Variants in PDE4D observed in about 807,000 individuals in gnomAD.
PDE4D encodes 3',5'-cyclic-AMP phosphodiesterase 4D.
PDE4D carries 24 observed loss-of-function variants against 87.4 expected under a neutral mutation model. The observed-to-expected ratio is 0.27, with a 90% CI of 0.20 to 0.39. The LOEUF is 0.39. PDE4D is among the 10% of genes least tolerant of loss of function. PDE4D has a pLI of 1.00. For synonymous variants in PDE4D, 384 were observed against 383.2 expected (o/e 1.00, Z -0.02); for missense variants, 714 against 1,041.0 (o/e 0.69, Z 4.32).
intron 1 of PDE4D, among the ~76,000 whole-genome samples, chr5:60,437,718 T>C (rs1019548698): frequency 7.9e-5 from 12 of 152,176 alleles, no homozygotes; most frequent in African/African-American, 2.9e-4. Flanking sequence ...TTTAGATCTT[T>C]GAATCCATTA....
chr5:60,063,311 G>C (rs2152889896), intron 2 of PDE4D, among the ~76,000 whole-genome samples: 1 of 152,230 alleles, frequency 6.6e-6, no homozygotes, highest in Admixed American at 6.5e-5. Flanking sequence ...AATATTTATT[G>C]AGCAAATGCT....
intron 2 of PDE4D, among the ~76,000 whole-genome samples, chr5:60,052,016 CA>C (rs935282172): frequency 1.3e-5 from 2 of 151,944 alleles, no homozygotes; most frequent in African/African-American, 4.8e-5. Flanking sequence ...CTAAATAGAC[CA>C]ATACAAAGTT....
At chr5:59,041,894 T>C (rs866928561) in intron 5 of PDE4D, among the ~76,000 whole-genome samples, 1 of 152,328 alleles carries the variant, frequency 6.6e-6, no homozygotes, top group Middle Eastern at 3.4e-3. Flanking sequence ...ATGCACTTTA[T>C]ACACAGGATT....
At chr5:60,478,937 G>A (rs982840558) in intron 1 of PDE4D, among the ~76,000 whole-genome samples, 8 of 152,106 alleles carry the variant, frequency 5.3e-5, no homozygotes, top group Admixed American at 1.3e-4. Flanking sequence ...AATAATATGC[G>A]CTGTAGAGCC....
At chr5:59,957,794 T>A (rs1169585647) in intron 3 of PDE4D, among the ~76,000 whole-genome samples, 1 of 152,102 alleles carries the variant, frequency 6.6e-6, no homozygotes, top group Non-Finnish European at 1.5e-5. Flanking sequence ...GTTCTGAAAA[T>A]GAGTGAATTT....
Position 59,244,674 on chromosome 5 carries a change from GTGTGTC to G in PDE4D, c.456-28712_456-28707del, listed in dbSNP as rs1433595327. 3.7e-3 allele frequency among the ~76,000 whole-genome samples: 344 copies of G among 93,024 alleles called. 3 individuals carry two copies. The highest frequency in any genetic ancestry group is 0.012 in the South Asian group (30 of 2,514). The allele number at this position is 93,024 out of a possible 152,430, so 61.0% of individuals were successfully genotyped here. A position where few individuals can be genotyped will look rare whatever the true frequency, so the allele number is the denominator to read the frequency against. On this transcript the variant is annotated intron_variant, in intron 1 of 14. Coordinates refer to ENST00000340635, the MANE Select transcript of PDE4D (RefSeq NM_001104631.2). ...TGTATAGATATATGTATGTATGTGT[GTGTGTC>G]TGTGTGTGTGTGTGTGTGTGTGTGT... is the stretch of plus-strand genomic sequence containing the variant.
At chr5:59,154,464 A>G (rs1779880803) in intron 5 of PDE4D, among the ~76,000 whole-genome samples, 1 of 152,214 alleles carries the variant, frequency 6.6e-6, no homozygotes, top group African/African-American at 2.4e-5. Flanking sequence ...GACAGTTTCA[A>G]AAACACTATT....
At chr5:59,202,821 A>G (rs192457392) in intron 2 of PDE4D, among the ~76,000 whole-genome samples, 72 of 152,068 alleles carry the variant, frequency 4.7e-4, no homozygotes, top group Admixed American at 7.2e-4. Flanking sequence ...GCCACGTGGA[A>G]CTCTGAGTCC....
At chr5:60,015,951 G>A (rs185997730) in intron 2 of PDE4D, among the ~76,000 whole-genome samples, 59 of 150,154 alleles carry the variant, frequency 3.9e-4, no homozygotes, top group Non-Finnish European at 8.0e-4. Context: ...GCAGTGGCAC[G>A]ATCTCGGCTC....
intron 1 of PDE4D, among the ~76,000 whole-genome samples, chr5:60,327,997 A>G (rs1756956252): frequency 6.6e-6 from 1 of 152,206 alleles, no homozygotes; most frequent in South Asian, 2.1e-4. Context: ...AATAAGAATT[A>G]TGATCATGAC....
In PDE4D at chr5:59,041,887, C is replaced by G. The variant is rs1759746797; in HGVS notation, c.809-2916G>C. Reference sequence around the variant, plus strand: ...TTGGCTAATGCTTCAAGACATCATGCACTTTATACACAGGATTTGTTCTTA... The same window carrying G: ...TTGGCTAATGCTTCAAGACATCATGGACTTTATACACAGGATTTGTTCTTA... On this transcript the variant is annotated intron_variant, in intron 5 of 14. Coordinates refer to ENST00000340635, the MANE Select transcript of PDE4D (RefSeq NM_001104631.2). 5.3e-5 allele frequency among the ~76,000 whole-genome samples: 8 copies of G among 152,296 alleles called. No homozygotes were observed. The South Asian group carries it at 1.7e-3, about 32-fold the overall frequency.
At chr5:60,034,159 C>A (rs1767540303) in intron 2 of PDE4D, among the ~76,000 whole-genome samples, 1 of 152,116 alleles carries the variant, frequency 6.6e-6, no homozygotes, top group Non-Finnish European at 1.5e-5. Flanking sequence ...AAGAAGCATG[C>A]AAGTAAAAGT....
chr5:59,364,842 T>TA (rs1204303083), intron 1 of PDE4D, among the ~76,000 whole-genome samples: 1 of 151,882 alleles, frequency 6.6e-6, no homozygotes, highest in African/African-American at 2.4e-5. Flanking sequence ...CCCACCCACC[T>TA]ACCTTCCTTC....
At chr5:60,263,118 A>G (rs1298816785) in intron 1 of PDE4D, among the ~76,000 whole-genome samples, 1 of 152,146 alleles carries the variant, frequency 6.6e-6, no homozygotes, top group African/African-American at 2.4e-5. Flanking sequence ...GCTAACGCCC[A>G]CCTGTGCTGC....
intron 4 of PDE4D, among the ~76,000 whole-genome samples, chr5:59,182,117 T>A (rs989529866): frequency 2.0e-5 from 3 of 152,220 alleles, no homozygotes; most frequent in Non-Finnish European, 4.4e-5. Context: ...TATTTTAGTT[T>A]TTTTTAGTTA....
intron 1 of PDE4D, among the ~76,000 whole-genome samples, chr5:59,304,844 G>A (rs1770996361): frequency 6.6e-6 from 1 of 152,078 alleles, no homozygotes; most frequent in African/African-American, 2.4e-5. Context: ...CAAGGATATT[G>A]ATCTGTAGTT....
intron 1 of PDE4D, among the ~76,000 whole-genome samples, chr5:60,272,987 G>A (rs1035920063): frequency 6.6e-6 from 1 of 152,142 alleles, no homozygotes; most frequent in Non-Finnish European, 1.5e-5. Flanking sequence ...TACCATGGCA[G>A]GTTCCTTTCC....
Position 59,315,760 on chromosome 5 carries a change from C to T in PDE4D, c.456-99792G>A, listed in dbSNP as rs187246416. ...TGACCTTCCTCTGGGGGCACTAGAC[C>T]AGTAAAGGAAAATTGCCCAAAGAGT... On this transcript the variant is annotated intron_variant, in intron 1 of 14. Transcript: ENST00000340635. Among the ~76,000 whole-genome samples the T allele has an allele frequency of 3.9e-5, 6 of 152,166 alleles. No homozygotes were observed. The East Asian group carries it at 1.2e-3, about 29-fold the overall frequency.
chr5:60,352,586 G>T (rs1759295782), intron 1 of PDE4D, among the ~76,000 whole-genome samples: 1 of 152,204 alleles, frequency 6.6e-6, no homozygotes. Flanking sequence ...ACATTAGCTA[G>T]AATATTGGTA....
Sources: gnomAD v4.1 joint callset for allele counts (sites outside exome capture counted in the v4.1 genomes callset) on GRCh38, gnomAD v4.1.1 for gene constraint, MANE v1.5 for transcripts, NCBI Gene and HGNC (gene_info 2026-07-23, HGNC 2026-07-21) for gene names.